Variants in GRID2 observed in about 807,000 individuals in gnomAD.
The protein encoded by GRID2 is glutamate ionotropic receptor delta type subunit 2, also known as glutamate receptor ionotropic, delta-2.
A neutral mutation model predicts 114.8 loss-of-function variants in GRID2; 33 were observed. The observed-to-expected ratio is 0.29, with a 90% CI of 0.22 to 0.38. The LOEUF is 0.38. Among genes scored for constraint, GRID2 ranks in the 10% least tolerant of loss-of-function variants. The probability of loss-of-function intolerance (pLI) is 1.00; values close to 1 mark genes in which losing one functional copy is unlikely to be tolerated. For missense variants in GRID2, 1,184 were observed against 1,257.7 expected, an observed-to-expected ratio of 0.94 and a Z score of 0.89; for synonymous variants, 505 against 449.9, an observed-to-expected ratio of 1.12 and a Z score of -1.55.
At chr4:92,473,494 C>G (rs1722143888) in intron 1 of GRID2, among the ~76,000 whole-genome samples, 1 of 151,980 alleles carries the variant, frequency 6.6e-6, no homozygotes, top group East Asian at 1.9e-4. Context: ...TGACTTTTTC[C>G]TGATCTTAAC....
At chr4:92,469,892 T>A (rs762140456) in intron 1 of GRID2, among the ~76,000 whole-genome samples, 80 of 152,020 alleles carry the variant, frequency 5.3e-4, no homozygotes, top group Non-Finnish European at 9.6e-4. Flanking sequence ...TTTAGAATAT[T>A]TTCACAATAG....
chr4:93,108,322 T>G (rs1049969009), intron 3 of GRID2, among the ~76,000 whole-genome samples: 2 of 152,224 alleles, frequency 1.3e-5, no homozygotes, highest in African/African-American at 4.8e-5. Flanking sequence ...TTCATTGATG[T>G]GCTCCTAGCT....
At chr4:93,330,037 G>A (rs946868467) in intron 8 of GRID2, among the ~76,000 whole-genome samples, 2 of 151,960 alleles carry the variant, frequency 1.3e-5, no homozygotes, top group African/African-American at 2.4e-5. Flanking sequence ...CCTATTATTA[G>A]TTCTGTTCCT....
intron 14 of GRID2, among the ~76,000 whole-genome samples, chr4:93,670,639 G>A (rs1560884526): frequency 6.6e-6 from 1 of 152,198 alleles, no homozygotes; most frequent in African/African-American, 2.4e-5. Context: ...GTGCATCAGT[G>A]TCTGCCCCTA....
chr4:93,085,020 C>G lies in GRID2; in HGVS notation c.270C>G (p.Ile90Met). Residue 90 changes from isoleucine to methionine, a missense_variant, in exon 3 of 16, where the codon ATC becomes ATG. Around this residue, in one of 3 missense-constraint regions of GRID2, gnomAD observed 455 missense variants for 429.5 expected, o/e 1.06. Coordinates refer to ENST00000282020, the MANE Select transcript of GRID2 (RefSeq NM_001510.4). ...CCTGTGAACTTATGAATCAAGGCAT[C>G]TTGGCCCTGGTCAGCTCCATTGGCT... ...QEACELMNQG[I>M]LALVSSIGCT... 6.2e-7 allele frequency: 1 copy of G among 1,614,034 alleles called. No homozygotes were observed. The highest frequency in any genetic ancestry group is 8.5e-7 in the Non-Finnish European group (1 of 1,179,900).
intron 1 of GRID2, among the ~76,000 whole-genome samples, chr4:92,403,960 C>T (rs1730913842): frequency 6.6e-6 from 1 of 151,912 alleles, no homozygotes; most frequent in South Asian, 2.1e-4. Flanking sequence ...CTGACCAAAG[C>T]AATGATAATA....
intron 14 of GRID2, among the ~76,000 whole-genome samples, chr4:93,728,925 A>C (rs114790067): frequency 0.048 from 7,372 of 152,166 alleles, 318 homozygotes; most frequent in African/African-American, 0.11. Context: ...ACTGATGGGT[A>C]TTGACTCTTT....
At chr4:92,535,574 G>A (rs1725576533) in intron 1 of GRID2, among the ~76,000 whole-genome samples, 1 of 152,122 alleles carries the variant, frequency 6.6e-6, no homozygotes, top group African/African-American at 2.4e-5. Flanking sequence ...TAAAAGGCCA[G>A]AGGAACAGCA....
At chr4:92,565,417 T>C (rs1727288731) in intron 1 of GRID2, among the ~76,000 whole-genome samples, 1 of 151,970 alleles carries the variant, frequency 6.6e-6, no homozygotes, top group South Asian at 2.1e-4. Flanking sequence ...TATTCCCACT[T>C]TATATGACAG....
At chr4:93,697,614 A>C (rs767804129) in intron 14 of GRID2, among the ~76,000 whole-genome samples, 29 of 152,012 alleles carry the variant, frequency 1.9e-4, no homozygotes, top group Non-Finnish European at 3.4e-4. Context: ...AATATTAGTC[A>C]CTTTCTTATT....
At chr4:93,757,368 T>G (rs1394843664) in intron 14 of GRID2, among the ~76,000 whole-genome samples, 1 of 152,208 alleles carries the variant, frequency 6.6e-6, no homozygotes, top group Non-Finnish European at 1.5e-5. Flanking sequence ...TGCCTGTACT[T>G]TCTTCCTGCT....
chr4:92,550,178 T>C (rs1003061948), intron 1 of GRID2, among the ~76,000 whole-genome samples: 2 of 152,182 alleles, frequency 1.3e-5, no homozygotes, highest in African/African-American at 4.8e-5. Flanking sequence ...TCCAGTACTT[T>C]GTGATTATAA....
chr4:93,566,330 A>G (rs1353519646), intron 13 of GRID2, among the ~76,000 whole-genome samples: 3 of 152,160 alleles, frequency 2.0e-5, no homozygotes, highest in Non-Finnish European at 2.9e-5. Context: ...AAATAAAACC[A>G]AAGGGACAAA....
intron 1 of GRID2, among the ~76,000 whole-genome samples, chr4:92,407,638 A>C (rs982583803): frequency 1.3e-5 from 2 of 152,044 alleles, no homozygotes; most frequent in African/African-American, 4.8e-5. Context: ...CTGGTGTGAG[A>C]TGGTATCTCC....
intron 2 of GRID2, among the ~76,000 whole-genome samples, chr4:92,678,634 T>C (rs1462731707): frequency 6.6e-6 from 1 of 151,210 alleles, no homozygotes; most frequent in East Asian, 2.0e-4. Context: ...TTAAAATAAA[T>C]TGATGAGCAC....
intron 2 of GRID2, among the ~76,000 whole-genome samples, chr4:92,667,933 G>T (rs1732870348): frequency 6.6e-6 from 1 of 151,762 alleles, no homozygotes. Context: ...CAAAGATTAT[G>T]ACCTTTTCTA....
At chr4:93,408,937 A>G (rs1401171638) in intron 9 of GRID2, among the ~76,000 whole-genome samples, 1 of 152,174 alleles carries the variant, frequency 6.6e-6, no homozygotes, top group Non-Finnish European at 1.5e-5. Context: ...TAGAAATAGA[A>G]AACCTGTCAC....
At chr4:92,548,401 A>ATTTTTTTTCTTTTTTT in intron 1 of GRID2, among the ~76,000 whole-genome samples, 1 of 60,808 alleles carries the variant, frequency 1.6e-5, no homozygotes, top group Non-Finnish European at 2.7e-5. Context: ...AGACTGTGTA[A>ATTTTTTTTCTTTTTTT]TTTTTTTTTT....
intron 2 of GRID2, among the ~76,000 whole-genome samples, chr4:92,814,820 C>A (rs150961293): frequency 6.6e-6 from 1 of 152,180 alleles, no homozygotes; most frequent in East Asian, 1.9e-4. Flanking sequence ...GTGCTTCTAG[C>A]CACCATGTTC....
Sources: gnomAD v4.1 joint callset for allele counts (sites outside exome capture counted in the v4.1 genomes callset) on GRCh38, gnomAD v4.1.1 for gene constraint, gnomAD v4.1.1 regional missense constraint, MANE v1.5 for transcripts, NCBI Gene and HGNC (gene_info 2026-07-23, HGNC 2026-07-21) for gene names.